The following PDE4D variants were observed in gnomAD, a reference collection of about 807,000 sequenced individuals.
The protein encoded by PDE4D is 3',5'-cyclic-AMP phosphodiesterase 4D.
Under a neutral mutation model 87.4 loss-of-function variants are expected in PDE4D, and 24 were observed. That is an observed-to-expected ratio of 0.27 (90% CI 0.20 to 0.39). PDE4D has a LOEUF of 0.39. Ranked by LOEUF, PDE4D falls within the 10% of genes least tolerant of loss-of-function variation. The probability of loss-of-function intolerance (pLI) is 1.00; values close to 1 mark genes in which losing one functional copy is unlikely to be tolerated. For synonymous variants in PDE4D, 384 were observed against 383.2 expected, an observed-to-expected ratio of 1.00 and a Z score of -0.02; for missense variants, 714 against 1,041.0, an observed-to-expected ratio of 0.69 and a Z score of 4.32.
At chr5:59,298,113 CTTTTT>C (rs759820053) in intron 1 of PDE4D, among the ~76,000 whole-genome samples, 2 of 113,012 alleles carry the variant, frequency 1.8e-5, no homozygotes, top group African/African-American at 3.4e-5. Flanking sequence ...ACAAGTGAAA[CTTTTT>C]TTTTTTTTTT....
intron 5 of PDE4D, among the ~76,000 whole-genome samples, chr5:59,106,126 C>T (rs542896722): frequency 1.4e-4 from 21 of 152,240 alleles, no homozygotes; most frequent in Admixed American, 8.5e-4. Flanking sequence ...ATCATCCACC[C>T]AGAAAAATAC....
intron 1 of PDE4D, among the ~76,000 whole-genome samples, chr5:59,371,546 G>C (rs1436656662): frequency 2.0e-5 from 3 of 152,002 alleles, no homozygotes; most frequent in Admixed American, 1.3e-4. Flanking sequence ...ACTCAGTTAA[G>C]GTGGTTTTTG....
At chr5:59,089,117 G>A (rs145836422) in intron 5 of PDE4D, among the ~76,000 whole-genome samples, 19 of 152,238 alleles carry the variant, frequency 1.2e-4, no homozygotes, top group African/African-American at 3.9e-4. Flanking sequence ...AGAGTTTCCT[G>A]CTGTATGGAA....
chr5:60,071,541 G>T (rs938667821), intron 2 of PDE4D, among the ~76,000 whole-genome samples: 2 of 151,846 alleles, frequency 1.3e-5, no homozygotes, highest in Non-Finnish European at 2.9e-5. Flanking sequence ...TAGCCATCTG[G>T]GCAAAAAATC....
intron 5 of PDE4D, among the ~76,000 whole-genome samples, chr5:59,156,309 G>GGAAA (rs1780165034): frequency 3.8e-5 from 2 of 52,874 alleles, no homozygotes; most frequent in Non-Finnish European, 7.3e-5. Context: ...AGACTTGCCA[G>GGAAA]AAAAAAAAAA....
chr5:59,897,628 T>C (rs1301335216), upstream of PDE4D, among the ~76,000 whole-genome samples: 1 of 151,106 alleles, frequency 6.6e-6, no homozygotes, highest in Non-Finnish European at 1.5e-5. Flanking sequence ...CAGGCCCCAG[T>C]GTGTAATGTT....
At chr5:60,172,989 C>T (rs1314345436) in intron 2 of PDE4D, among the ~76,000 whole-genome samples, 1 of 152,116 alleles carries the variant, frequency 6.6e-6, no homozygotes, top group African/African-American at 2.4e-5. Flanking sequence ...ACAAAAAATC[C>T]ACTTTCTGTC....
chr5:59,450,239 A>G (rs1308284444), intron 1 of PDE4D, among the ~76,000 whole-genome samples: 2 of 152,246 alleles, frequency 1.3e-5, no homozygotes, highest in Non-Finnish European at 2.9e-5. Context: ...CAAATAATAT[A>G]TTGGCTAATG....
chr5:60,472,179 T>C (rs1747864765), intron 1 of PDE4D, among the ~76,000 whole-genome samples: 1 of 152,206 alleles, frequency 6.6e-6, no homozygotes, highest in South Asian at 2.1e-4. Flanking sequence ...CTTATAATAC[T>C]TTATAAATAA....
At chr5:60,385,844 A>G (rs986531937) in intron 1 of PDE4D, among the ~76,000 whole-genome samples, 1 of 152,144 alleles carries the variant, frequency 6.6e-6, no homozygotes, top group Non-Finnish European at 1.5e-5. Flanking sequence ...TACAGCTCTC[A>G]GATCTCTTTC....
At chr5:59,029,962 G>A (rs931703613) in intron 6 of PDE4D, among the ~76,000 whole-genome samples, 7 of 152,034 alleles carry the variant, frequency 4.6e-5, no homozygotes, top group African/African-American at 1.4e-4. Context: ...AAATAGTGTT[G>A]GGAAAACTGG....
chr5:59,042,177 T>G (rs1032821289), intron 5 of PDE4D, among the ~76,000 whole-genome samples: 3 of 152,228 alleles, frequency 2.0e-5, no homozygotes, highest in African/African-American at 7.2e-5. Context: ...TTCTTGATAT[T>G]AGCATAGAGC....
rs992772332 is a variant in PDE4D at position 60,413,718 on chromosome 5, T to TA, written c.-90+74223_-90+74224insT. On this transcript the variant is annotated intron_variant, in intron 1 of 16. Coordinates refer to the PDE4D transcript ENST00000502484. The stretch of plus-strand genomic sequence containing the variant: ...TTTTGAATTTCTTTTTTCGTTTATT[T>TA]TTTTTTTTTTTGGAAAAACAGCTTA... Among the ~76,000 whole-genome samples the TA allele has an allele frequency of 2.6e-5, 4 of 151,550 alleles. No homozygotes were observed. The East Asian group carries it at 5.8e-4, about 22-fold the overall frequency.
At chr5:59,723,392 A>G (rs1756134388) in intron 1 of PDE4D, among the ~76,000 whole-genome samples, 1 of 152,168 alleles carries the variant, frequency 6.6e-6, no homozygotes, top group Non-Finnish European at 1.5e-5. Flanking sequence ...ACTAAATGAG[A>G]CATTACATGC....
intron 1 of PDE4D, among the ~76,000 whole-genome samples, chr5:59,414,156 A>T (rs1793191499): frequency 6.6e-6 from 1 of 152,206 alleles, no homozygotes; most frequent in South Asian, 2.1e-4. Flanking sequence ...CTGAACCCTC[A>T]CTGAATGCCA....
chr5:59,614,031 G>A (rs577312386), intron 1 of PDE4D, among the ~76,000 whole-genome samples: 8 of 151,922 alleles, frequency 5.3e-5, no homozygotes, highest in Admixed American at 1.3e-4. Flanking sequence ...AATATTTTGA[G>A]TTACAGTTTA....
At chr5:59,212,657 G>T (rs1750338453) in intron 2 of PDE4D, among the ~76,000 whole-genome samples, 1 of 151,954 alleles carries the variant, frequency 6.6e-6, no homozygotes, top group South Asian at 2.1e-4. Context: ...ATGTATGAAA[G>T]AAACAATCTA....
chr5:59,188,370 A>G (rs553209860), intron 3 of PDE4D, among the ~76,000 whole-genome samples: 4 of 152,196 alleles, frequency 2.6e-5, no homozygotes, highest in Non-Finnish European at 4.4e-5. Flanking sequence ...AGTTTTACAG[A>G]AAAATTTTAG....
chr5:60,121,934 G>A (rs571726057), intron 2 of PDE4D, among the ~76,000 whole-genome samples: 4 of 152,324 alleles, frequency 2.6e-5, no homozygotes, highest in African/African-American at 9.6e-5. Context: ...TACAGGTAGT[G>A]GGTAAATGCA....
Sources: gnomAD v4.1 joint callset for allele counts (sites outside exome capture counted in the v4.1 genomes callset) on GRCh38, gnomAD v4.1.1 for gene constraint, MANE v1.5 for transcripts, NCBI Gene and HGNC (gene_info 2026-07-23, HGNC 2026-07-21) for gene names.